FHIT: variants seen among roughly 807,000 people sequenced by gnomAD.
FHIT encodes bis(5'-adenosyl)-triphosphatase.
FHIT carries 19 observed loss-of-function variants against 17.9 expected under a neutral mutation model. The ratio of observed to expected loss-of-function variants is 1.06; its 90% CI spans 0.74 to 1.56. The LOEUF (loss-of-function observed/expected upper bound fraction) is 1.56, where lower values mean the gene tolerates loss of function less well. FHIT is among the 40% of genes most tolerant of loss of function. The pLI is 0.00. For synonymous variants in FHIT, 81 were observed against 69.7 expected (o/e 1.16, Z -0.81); for missense variants, 248 against 189.2 (o/e 1.31, Z -1.82).
chr3:59,872,307 C>T (rs1319975452), intron 8 of FHIT, among the ~76,000 whole-genome samples: 1 of 152,066 alleles, frequency 6.6e-6, no homozygotes, highest in East Asian at 1.9e-4. Context: ...GAAGAAACAA[C>T]CCTAAAGCAG....
At position 60,454,683 on chromosome 3, in the gene FHIT, C is replaced by T. The variant is rs138416617; in HGVS notation, c.103+82177G>A. ...ATAGGTGTGAGCCACCACGCTCAGCCTTAACCTAACTTTTAAAGTCCTAAA... is the reference window on the plus strand; with the variant it reads ...ATAGGTGTGAGCCACCACGCTCAGCTTTAACCTAACTTTTAAAGTCCTAAA... On this transcript the variant is annotated intron_variant, in intron 5 of 9. Coordinates refer to ENST00000492590, the MANE Select transcript of FHIT (RefSeq NM_002012.4). Among the ~76,000 whole-genome samples the T allele has an allele frequency of 3.1e-4, 47 of 152,168 alleles. No homozygotes were observed. The East Asian group carries it at 8.9e-3, about 29-fold the overall frequency.
At chr3:59,908,850 T>TTTTTTTTTTTTTGAGACGG (rs1553712872) in intron 8 of FHIT, among the ~76,000 whole-genome samples, 2 of 150,092 alleles carry the variant, frequency 1.3e-5, no homozygotes, top group African/African-American at 4.9e-5. Flanking sequence ...TTTCATTTTT[T>TTTTTTTTTTTTTGAGACGG]AATAGTCCAA....
chr3:60,235,647 A>C (rs900681544), intron 5 of FHIT, among the ~76,000 whole-genome samples: 1 of 152,210 alleles, frequency 6.6e-6, no homozygotes, highest in Non-Finnish European at 1.5e-5. Flanking sequence ...CATCATTGAC[A>C]GTCTACAGTT....
intron 5 of FHIT, among the ~76,000 whole-genome samples, chr3:60,223,212 G>A (rs1221393264): frequency 1.3e-5 from 2 of 152,130 alleles, no homozygotes; most frequent in Non-Finnish European, 2.9e-5. Flanking sequence ...ACTCAGTGGT[G>A]TCATGCTCTG....
intron 5 of FHIT, among the ~76,000 whole-genome samples, chr3:60,518,062 A>C (rs2035225313): frequency 6.6e-6 from 1 of 151,642 alleles, no homozygotes; most frequent in African/African-American, 2.4e-5. Flanking sequence ...AAACTCATTC[A>C]AAAAAAATCA....
intron 4 of FHIT, among the ~76,000 whole-genome samples, chr3:60,594,067 C>T (rs2107701034): frequency 6.6e-6 from 1 of 152,196 alleles, no homozygotes; most frequent in African/African-American, 2.4e-5. Flanking sequence ...AAAAGAAAAG[C>T]ATTTTGAGTG....
At chr3:60,350,257 A>G (rs979972782) in intron 5 of FHIT, among the ~76,000 whole-genome samples, 1 of 152,088 alleles carries the variant, frequency 6.6e-6, no homozygotes, top group African/African-American at 2.4e-5. Context: ...CAAGCAGGGA[A>G]AACTTGGTAA....
chr3:61,009,487 T>C (rs980805899), intron 3 of FHIT, among the ~76,000 whole-genome samples: 1 of 152,214 alleles, frequency 6.6e-6, no homozygotes, highest in Non-Finnish European at 1.5e-5. Flanking sequence ...AATTGTTTTT[T>C]AACTGGTTGC....
In FHIT at chr3:60,124,009, TAGAG is replaced by T. The variant is rs1168094593; in HGVS notation, c.104-109861_104-109858del. On this transcript the variant is annotated intron_variant, in intron 5 of 9. Coordinates refer to ENST00000492590, the MANE Select transcript of FHIT (RefSeq NM_002012.4). ...ATATATATATATATATATATATATA[TAGAG>T]AGAGAGAGAGAGAGAGAGAGAGAGA... is the stretch of plus-strand genomic sequence containing the variant. Among the ~76,000 whole-genome samples the T allele has an allele frequency of 5.9e-3, 71 of 12,116 alleles. 1 individual carries two copies. Among genetic ancestry groups the T allele is most frequent in the East Asian group, 0.02 (9 of 440 alleles). The allele number at this position is 12,116 out of a possible 152,430, so 7.9% of individuals were successfully genotyped here.
chr3:60,343,071 G>T (rs1331278371), intron 5 of FHIT, among the ~76,000 whole-genome samples: 8 of 152,024 alleles, frequency 5.3e-5, no homozygotes, highest in Non-Finnish European at 1.5e-5. Context: ...TCTTCTTTTT[G>T]CATATCCTGG....
intron 1 of FHIT, among the ~76,000 whole-genome samples, chr3:61,233,033 G>A (rs745444783): frequency 1.3e-5 from 2 of 151,776 alleles, no homozygotes; most frequent in Non-Finnish European, 2.9e-5. Flanking sequence ...ATGAGAAGAG[G>A]AGCAAGAACA....
chr3:61,163,440 T>G (rs2037752274), intron 2 of FHIT, among the ~76,000 whole-genome samples: 1 of 152,158 alleles, frequency 6.6e-6, no homozygotes, highest in Non-Finnish European at 1.5e-5. Context: ...CAATATTTGT[T>G]GTGATGGGGT....
At chr3:61,170,174 C>T (rs2037961602) in intron 2 of FHIT, among the ~76,000 whole-genome samples, 1 of 152,100 alleles carries the variant, frequency 6.6e-6, no homozygotes, top group Non-Finnish European at 1.5e-5. Context: ...TATAAAAGGA[C>T]AATTCAATTC....
intron 2 of FHIT, among the ~76,000 whole-genome samples, chr3:61,069,892 G>C (rs541831694): frequency 6.6e-6 from 1 of 152,242 alleles, no homozygotes; most frequent in Admixed American, 6.5e-5. Flanking sequence ...TAAGCAGGAT[G>C]GGGAACCACC....
chr3:60,851,128 T>C (rs1242901376), intron 3 of FHIT, among the ~76,000 whole-genome samples: 1 of 152,108 alleles, frequency 6.6e-6, no homozygotes, highest in Non-Finnish European at 1.5e-5. Context: ...GTAGTTAACA[T>C]TTACTGTTAA....
At chr3:60,717,074 T>C (rs2041701339) in intron 4 of FHIT, among the ~76,000 whole-genome samples, 3 of 152,172 alleles carry the variant, frequency 2.0e-5, no homozygotes, top group South Asian at 4.1e-4. Flanking sequence ...ATCTCACTTA[T>C]ATGTAGAATC....
At chr3:60,831,803 G>T (rs1361778217) in intron 3 of FHIT, among the ~76,000 whole-genome samples, 1 of 151,906 alleles carries the variant, frequency 6.6e-6, no homozygotes, top group Non-Finnish European at 1.5e-5. Context: ...GATTTTTTTG[G>T]ACCCCAGAGC....
intron 5 of FHIT, among the ~76,000 whole-genome samples, chr3:60,303,988 T>C (rs1708557638): frequency 6.6e-6 from 1 of 152,156 alleles, no homozygotes; most frequent in Non-Finnish European, 1.5e-5. Context: ...ATGGGAATTC[T>C]TGTACCCTTG....
At position 61,207,822 on chromosome 3, in the gene FHIT, G is replaced by T. The variant is rs1478937187; in HGVS notation, c.-212-7157C>A. Among the ~76,000 whole-genome samples the T allele has an allele frequency of 2.0e-5, 3 of 152,214 alleles. No individual in the cohort carries two copies. The East Asian group carries it at 5.8e-4, about 29-fold the overall frequency. On this transcript the variant is annotated intron_variant, in intron 1 of 9. Coordinates refer to ENST00000492590, the MANE Select transcript of FHIT (RefSeq NM_002012.4). ...GTTTTTTGTGTCTCTATTTCCTTCA[G>T]TTCTGCTCTGATTTTCATTATTTCT...
Sources: allele counts gnomAD v4.1 joint callset (sites outside exome capture counted in the v4.1 genomes callset), GRCh38; gene constraint gnomAD v4.1.1; transcripts MANE v1.5; gene names NCBI Gene and HGNC (gene_info 2026-07-23, HGNC 2026-07-21).